Variants in SEC24C observed in about 807,000 individuals in gnomAD.
The protein encoded by SEC24C is SEC24 homolog C, COPII component.
In SEC24C, 22 loss-of-function variants were observed where a neutral mutation model predicts 117.0. The ratio of observed to expected loss-of-function variants is 0.19; its 90% CI spans 0.13 to 0.27. SEC24C has a LOEUF of 0.27. Among genes scored for constraint, SEC24C ranks in the 10% least tolerant of loss-of-function variants. The pLI, the probability that SEC24C is intolerant of heterozygous loss-of-function variation, is 1.00. For synonymous variants in SEC24C, 506 were observed against 529.4 expected (o/e 0.96, Z 0.61); for missense variants, 1,155 against 1,375.1 (o/e 0.84, Z 2.53).
chr10:73,759,595 T>C, intron 3 of SEC24C, 27 bp from the exon 4 acceptor site: 1 of 1,480,232 alleles, frequency 6.8e-7, no homozygotes, highest in African/African-American at 1.4e-5. Context: ...GCCCCACTAG[T>C]CACCTCTGCT....
intron 15 of SEC24C, 89 bp from the exon 16 acceptor site, chr10:73,768,720 GC>G: frequency 8.8e-7 from 1 of 1,133,400 alleles, no homozygotes; most frequent in Admixed American, 1.9e-5. Context: ...TAATTAGGTG[GC>G]CTTGTAGAGT....
chr10:73,755,666 G>A (rs893876417), intron 3 of SEC24C, among the ~76,000 whole-genome samples: 1 of 151,440 alleles, frequency 6.6e-6, no homozygotes, highest in Non-Finnish European at 1.5e-5. Flanking sequence ...GACAGACAGC[G>A]AGACTCCGTC....
chr10:73,752,217 G>C (rs1284256997), intron 3 of SEC24C: 2 of 152,122 alleles, frequency 1.3e-5, no homozygotes, highest in African/African-American at 4.8e-5. Context: ...GATGTCTCAG[G>C]CTCAGGTGAC....
intron 3 of SEC24C, among the ~76,000 whole-genome samples, chr10:73,754,974 A>T (rs1482092511): frequency 6.6e-6 from 1 of 152,056 alleles, no homozygotes; most frequent in East Asian, 1.9e-4. Context: ...TCTCTACCAA[A>T]ATACTAAAAT....
intron 2 of SEC24C, among the ~76,000 whole-genome samples, chr10:73,749,291 A>G (rs2082608645): frequency 6.6e-6 from 1 of 152,202 alleles, no homozygotes; most frequent in African/African-American, 2.4e-5. Flanking sequence ...ATGTTGAGAA[A>G]GCCTCTTGTT....
At chr10:73,770,225 G>C in intron 20 of SEC24C, 55 bp from the exon 21 acceptor site, 1 of 1,513,022 alleles carries the variant, frequency 6.6e-7, no homozygotes. Flanking sequence ...TGGTGCGGGG[G>C]GGCAGACTTG....
intron 3 of SEC24C, among the ~76,000 whole-genome samples, chr10:73,758,176 G>A (rs1001813001): frequency 1.3e-5 from 2 of 151,804 alleles, no homozygotes; most frequent in Admixed American, 6.6e-5. Flanking sequence ...TGGAGGTTGT[G>A]ATGGGCCAAG....
In SEC24C at chr10:73,769,660, C is replaced by T. The variant is rs113203770; in HGVS notation, c.2609C>T (p.Thr870Met). 1,716 of 1,614,142 alleles carry T rather than the reference C, an allele frequency of 1.1e-3. 17 individuals carry two copies. In the African/African-American group the frequency reaches 0.019, roughly 18 times the overall value. ...AGCCCTGTGAAGGCTGTTCGTGACA[C>T]GCTCATCACCCAGTGTGCCCAGATC... ...LNSPVKAVRD[T>M]LITQCAQILA... The change falls in exon 19 of 23, where the codon ACG becomes ATG. Residue 870 changes from threonine (T) to methionine (M), a missense_variant. Around this residue, in one of 2 missense-constraint regions of SEC24C, gnomAD observed 759 missense variants for 992.3 expected, o/e 0.76. Transcript: ENST00000345254. This position sits in a 1 kb window ranked among gnomAD's most constrained non-coding sequence, Gnocchi z 4.5.
chr10:73,759,806 T>C lies in SEC24C; in HGVS notation c.481+12T>C, dbSNP rs1211900152. The C allele has an allele frequency of 1.2e-5, 19 of 1,556,438 alleles. No homozygotes were observed. Among genetic ancestry groups the C allele is most frequent in the Admixed American group, 2.0e-5 (1 of 49,028 alleles). On this transcript the variant is annotated intron_variant, in intron 4 of 22. Transcript: ENST00000345254. ...AGGGCTGGGCTTTGGTGAGTGGCTG[T>C]GAACACAGGAATGTTACTGTCCCCT...
Position 73,765,824 on chromosome 10 carries a change from T to C in SEC24C, c.1391T>C (p.Leu464Pro). The C allele has an allele frequency of 6.2e-7, 1 of 1,614,094 alleles. No individual in the cohort carries two copies. Among genetic ancestry groups the C allele is most frequent in the Non-Finnish European group, 8.5e-7 (1 of 1,179,972 alleles). ...NDVPPQYFQH[L>P]DHTGKRVDAY... ...GTTCCCCCCCAGTATTTTCAGCACC[T>C]GGATCATACCGGCAAACGTGTGGAT... Residue 464 changes from leucine (L) to proline (P), a missense_variant, in exon 10 of 23, where the codon CTG (leucine) becomes CCG (proline). By Grantham distance (98) the Leu-to-Pro change is moderately conservative. Around this residue, in one of 2 missense-constraint regions of SEC24C, gnomAD observed 759 missense variants for 992.3 expected, o/e 0.76. Transcript: ENST00000345254.
chr10:73,768,819 G>T lies in SEC24C; in HGVS notation c.2191G>T (p.Asp731Tyr). The T allele has an allele frequency of 1.2e-6, 2 of 1,613,172 alleles. No homozygotes were observed. The highest frequency in any genetic ancestry group is 2.2e-5 in the South Asian group (2 of 90,944). The change falls in exon 16 of 23, where the codon GAC becomes TAC. Residue 731 changes from aspartate (D) to tyrosine (Y), a missense_variant. Physicochemically the swap from Asp to Tyr is radical, Grantham distance 160. Coordinates refer to ENST00000345254, the MANE Select transcript of SEC24C (RefSeq NM_198597.3). ...YKYASFQVEN[D>Y]QERFLSDLRR... is the part of the protein sequence containing the mutation. ...ACCTGGGGGCCTGCAGGTGGAGAACGACCAGGAGCGGTTCCTGAGTGACCT... is the reference window on the plus strand; with the variant it reads ...ACCTGGGGGCCTGCAGGTGGAGAACTACCAGGAGCGGTTCCTGAGTGACCT...
intron 14 of SEC24C, 152 bp downstream of exon 14, chr10:73,767,322 C>A: frequency 1.7e-6 from 1 of 602,614 alleles, no homozygotes; most frequent in Non-Finnish European, 3.0e-6. Flanking sequence ...TACTTCTCTA[C>A]TCCATCTGAT....
Position 73,769,337 on chromosome 10 carries a change from T to C in SEC24C, c.2425-10T>C. The C allele has an allele frequency of 1.9e-6, 3 of 1,613,552 alleles. No individual in the cohort carries two copies. Among genetic ancestry groups the C allele is most frequent in the Non-Finnish European group, 2.5e-6 (3 of 1,179,710 alleles). On this transcript the variant is annotated splice_polypyrimidine_tract_variant and intron_variant, in intron 17 of 22. Transcript: ENST00000345254. The surrounding 1 kb of genome is among the most constrained non-coding windows in gnomAD (Gnocchi z 4.5). ...AGGGGTGTGAGTTCCCCCTTTCTCC[T>C]TTCCCCTAGTGTGCCCTGCTTTACA...
At position 73,746,361 on chromosome 10, in the gene SEC24C, A is replaced by C. The variant is rs188787689; in HGVS notation, c.-28-444A>C. 5.0e-3 allele frequency among the ~76,000 whole-genome samples: 767 copies of C among 152,314 alleles called. 3 individuals are homozygous for C. Among genetic ancestry groups the C allele is most frequent in the Non-Finnish European group, 7.4e-3 (505 of 68,030 alleles). ...TTTTTAGCCTGATTGATTTTAAATC[A>C]ATTGTTCAGCACACTAGAGGGTACT... On this transcript the variant is annotated intron_variant, in intron 1 of 22. Transcript: ENST00000345254.
In SEC24C at chr10:73,769,688, G is replaced by A; in HGVS notation, c.2637G>A (p.Leu879=). 1 of 1,614,194 alleles carries A rather than the reference G, an allele frequency of 6.2e-7. No individual in the cohort carries two copies. The highest frequency in any genetic ancestry group is 8.5e-7 in the Non-Finnish European group (1 of 1,180,030). Residue 879 remains leucine (L), a synonymous_variant, in exon 19 of 23, where the codon CTG becomes CTA. Coordinates refer to ENST00000345254, the MANE Select transcript of SEC24C (RefSeq NM_198597.3). The surrounding 1 kb of genome is among the most constrained non-coding windows in gnomAD (Gnocchi z 4.5). ...TCATCACCCAGTGTGCCCAGATCCT[G>A]GCCTGTTACAGAAAGAACTGTGCTA... ...DTLITQCAQI[L]ACYRKNCASP...
At chr10:73,760,669 A>G in intron 5 of SEC24C, 44 bp from the exon 6 acceptor site, 1 of 1,532,508 alleles carries the variant, frequency 6.5e-7, no homozygotes. Flanking sequence ...AAGAAGAGAT[A>G]GGGATGGGAT....
chr10:73,762,343 C>G (rs1297707788), intron 6 of SEC24C, among the ~76,000 whole-genome samples: 1 of 152,148 alleles, frequency 6.6e-6, no homozygotes. Flanking sequence ...TGCCTCAAGT[C>G]ACCAGGTAAT....
At chr10:73,754,773 AG>A (rs1161671626) in intron 3 of SEC24C, among the ~76,000 whole-genome samples, 2 of 152,226 alleles carry the variant, frequency 1.3e-5, no homozygotes, top group African/African-American at 4.8e-5. Flanking sequence ...TTGAGATTAA[AG>A]AATGGAATTG....
In SEC24C at chr10:73,760,362, C is replaced by T. The variant is rs201021200; in HGVS notation, c.826C>T (p.Pro276Ser). The T allele has an allele frequency of 3.5e-5, 56 of 1,600,064 alleles. 1 individual carries two copies. In the East Asian group the frequency reaches 1.2e-3, roughly 33 times the overall value. ...GCCACCTATGCACTCCCCGCAGCAG[C>T]CAGGCTATCAGCCCCAACAAAATGG... ...PLPPMHSPQQ[P>S]GYQPQQNGSF... Residue 276 changes from proline to serine, a missense_variant, in exon 5 of 23, where the codon CCA (proline) becomes TCA (serine). Transcript: ENST00000345254.
Sources: gnomAD v4.1 joint callset for allele counts (sites outside exome capture counted in the v4.1 genomes callset) on GRCh38, gnomAD v4.1.1 for gene constraint, gnomAD v4.1.1 regional missense constraint, Gnocchi (gnomAD v3.1) non-coding constraint, MANE v1.5 for transcripts, NCBI Gene and HGNC (gene_info 2026-07-23, HGNC 2026-07-21) for gene names.